Variants in IFRD1 observed in about 807,000 individuals in gnomAD.
IFRD1 encodes interferon-related developmental regulator 1.
Under a neutral mutation model 52.9 loss-of-function variants are expected in IFRD1, and 35 were observed. That is an observed-to-expected ratio of 0.66 (90% CI 0.51 to 0.88). The LOEUF is 0.88. Among genes scored for constraint, IFRD1 ranks in the 40% least tolerant of loss-of-function variants. The probability of loss-of-function intolerance (pLI) is 0.00; values close to 1 mark genes in which losing one functional copy is unlikely to be tolerated. For synonymous variants in IFRD1, 184 were observed against 188.4 expected, an observed-to-expected ratio of 0.98 and a Z score of 0.19; for missense variants, 517 against 550.8, an observed-to-expected ratio of 0.94 and a Z score of 0.61.
intron 11 of IFRD1, among the ~76,000 whole-genome samples, chr7:112,475,124 A>G (rs1447516572): frequency 6.6e-6 from 1 of 151,754 alleles, no homozygotes; most frequent in Non-Finnish European, 1.5e-5. Context: ...ATGCCTGGCT[A>G]ATTTTTTGTA....
intron 1 of IFRD1, among the ~76,000 whole-genome samples, chr7:112,445,114 T>G (rs145045176): frequency 7.0e-6 from 1 of 142,588 alleles, no homozygotes; most frequent in Non-Finnish European, 1.5e-5. Context: ...TCACCCAGGC[T>G]GGAGTGCAGT....
In IFRD1 at chr7:112,462,398, A is replaced by G; in HGVS notation, c.906+20A>G. On this transcript the variant is annotated intron_variant, in intron 8 of 11. Transcript: ENST00000403825. ...GAGAGTGTAAGTATCTAACTGGCAG[A>G]GGAAAAAGCTTGTGTCACAAGGCCC... 6 of 1,526,172 alleles carry G rather than the reference A, an allele frequency of 3.9e-6. No homozygotes were observed. The highest frequency in any genetic ancestry group is 5.5e-6 in the Non-Finnish European group (6 of 1,100,426). The allele number at this position is 1,526,172 out of a possible 1,614,324, so 94.5% of individuals were successfully genotyped here. A position where few individuals can be genotyped will look rare whatever the true frequency, so the allele number is the denominator to read the frequency against.
intron 1 of IFRD1, among the ~76,000 whole-genome samples, chr7:112,439,729 C>T (rs1252740696): frequency 2.0e-5 from 3 of 152,166 alleles, no homozygotes; most frequent in African/African-American, 7.2e-5. Context: ...TCAACTCTTA[C>T]ACCTCACTGG....
chr7:112,475,165 A>G (rs557736421), intron 11 of IFRD1, among the ~76,000 whole-genome samples: 1 of 152,070 alleles, frequency 6.6e-6, no homozygotes, highest in South Asian at 2.1e-4. Context: ...TCACCGTGTT[A>G]GCCAGGATGG....
chr7:112,470,699 T>G (rs917425301), intron 9 of IFRD1, among the ~76,000 whole-genome samples: 4 of 152,216 alleles, frequency 2.6e-5, no homozygotes, highest in Non-Finnish European at 4.4e-5. Context: ...AGTATTCAAG[T>G]CCCTGATATA....
At position 112,437,040 on chromosome 7, in the gene IFRD1, A is replaced by G. The variant is rs532215944; in HGVS notation, c.-181-13468A>G. Among the ~76,000 whole-genome samples, 33 of 152,106 alleles carry G rather than the reference A, an allele frequency of 2.2e-4. No individual in the cohort carries two copies. In the South Asian group the frequency reaches 5.8e-3, roughly 27 times the overall value. On this transcript the variant is annotated intron_variant, in intron 1 of 12. Coordinates refer to the IFRD1 transcript ENST00000005558. Reference sequence around the variant, plus strand: ...TGAGACAGGGTCTCTCTCAACCTCTAGGGCCCACCAAACAATCCTCTCACC... The same window carrying G: ...TGAGACAGGGTCTCTCTCAACCTCTGGGGCCCACCAAACAATCCTCTCACC...
rs531774198 is a variant in IFRD1, at chr7:112,445,267, C to T, written c.-181-5241C>T. ...ATTTTTAGTAGAGACGGGGTTTCAC[C>T]GTGTTAGCCAGGATGGTCTCGATCT... On this transcript the variant is annotated intron_variant, in intron 1 of 12. Coordinates refer to the IFRD1 transcript ENST00000005558. 1.3e-4 allele frequency among the ~76,000 whole-genome samples: 19 copies of T among 151,988 alleles called. No homozygotes were observed. The East Asian group carries it at 1.4e-3, about 11-fold the overall frequency.
chr7:112,435,621 G>GGTGGGTGTGTGTGT (rs1554503435), intron 1 of IFRD1: 3 of 108,840 alleles, frequency 2.8e-5, no homozygotes, highest in Non-Finnish European at 3.8e-5. Flanking sequence ...ATCTGCTACA[G>GGTGGGTGTGTGTGT]GTGTGTGTGT....
intron 10 of IFRD1, 72 bp downstream of exon 10, chr7:112,472,419 C>T: frequency 6.5e-7 from 1 of 1,538,688 alleles, no homozygotes; most frequent in Admixed American, 1.7e-5. Flanking sequence ...ACTTAATTGG[C>T]TTTTGAAATT....
At chr7:112,448,103 T>G (rs1795068894), upstream of IFRD1, among the ~76,000 whole-genome samples, 1 of 140,438 alleles carries the variant, frequency 7.1e-6, no homozygotes, top group Non-Finnish European at 1.5e-5. Context: ...CAAGATTTTT[T>G]CAAGTTCCTG....
At chr7:112,455,494 AAAAAC>A (rs149687317) in intron 1 of IFRD1, among the ~76,000 whole-genome samples, 28,161 of 151,862 alleles carry the variant, frequency 0.19, 3,499 homozygotes, top group East Asian at 0.65. Context: ...AAAAAACAAA[AAAAAC>A]AAAACAAAAC....
intron 1 of IFRD1, among the ~76,000 whole-genome samples, chr7:112,426,932 C>T (rs774883199): frequency 6.6e-6 from 1 of 152,226 alleles, no homozygotes; most frequent in Non-Finnish European, 1.5e-5. Flanking sequence ...TCAGGCCTTT[C>T]TGGACCTAAC....
At chr7:112,447,522 C>T (rs1205623050), upstream of IFRD1, among the ~76,000 whole-genome samples, 1 of 152,180 alleles carries the variant, frequency 6.6e-6, no homozygotes, top group African/African-American at 2.4e-5. Flanking sequence ...TCTAAACTTC[C>T]TTGCAGCTAG....
At chr7:112,471,808 C>G (rs3128386) in intron 9 of IFRD1, among the ~76,000 whole-genome samples, 40,973 of 151,782 alleles carry the variant, frequency 0.27, 5,835 homozygotes, top group Middle Eastern at 0.45. Context: ...TCACTTCCTT[C>G]CCTGGATCCC....
In IFRD1 at chr7:112,450,569, T is replaced by A. The variant is rs1795127997; in HGVS notation, c.-120T>A. ...TCTTACCCCCGCCGCTTCTCGACTCTGTTGTTAGCCGAAGACTCGCCTCTC... is the reference window on the plus strand; with the variant it reads ...TCTTACCCCCGCCGCTTCTCGACTCAGTTGTTAGCCGAAGACTCGCCTCTC... On this transcript the variant is annotated 5_prime_UTR_variant, in exon 1 of 12. Transcript: ENST00000403825. 1 of 762,228 alleles carries A rather than the reference T, an allele frequency of 1.3e-6. No homozygotes were observed. The highest frequency in any genetic ancestry group is 2.3e-6 in the Non-Finnish European group (1 of 427,510). The allele number at this position is 762,228 out of a possible 1,614,324, so 47.2% of individuals were successfully genotyped here. A position where few individuals can be genotyped will look rare whatever the true frequency, so the allele number is the denominator to read the frequency against.
intron 1 of IFRD1, among the ~76,000 whole-genome samples, chr7:112,441,250 G>A (rs999557642): frequency 2.0e-5 from 3 of 151,864 alleles, no homozygotes; most frequent in Non-Finnish European, 4.4e-5. Flanking sequence ...ACTCCAGCCT[G>A]GGCAATAGAG....
chr7:112,456,055 A>T lies in IFRD1; in HGVS notation c.253A>T (p.Lys85Ter). 6.2e-7 allele frequency: 1 copy of T among 1,608,190 alleles called. No individual in the cohort carries two copies. Among genetic ancestry groups the T allele is most frequent in the Non-Finnish European group, 8.5e-7 (1 of 1,174,720 alleles). The part of the protein sequence containing the change: ...GTQEDLEYKL[K>*]GLIDLTLDKS... ...TCAAGAAGACCTAGAGTACAAGTTG[A>T]AGGGATTAATTGACCTAACCCTGGA... The change falls in exon 3 of 12, where the codon AAG (lysine) becomes TAG (stop). Residue 85 changes from lysine (K) to a stop codon, truncating the protein, a stop_gained. Coordinates refer to ENST00000403825, the MANE Select transcript of IFRD1 (RefSeq NM_001550.4). LOFTEE classifies it high-confidence loss of function.
chr7:112,461,974 A>G (rs1584494042), intron 6 of IFRD1, 27 bp from the exon 7 acceptor site: 1 of 1,601,684 alleles, frequency 6.2e-7, no homozygotes. Context: ...TAAGATGGTT[A>G]TCTTACTTCA....
At chr7:112,445,394 C>T (rs35134215) in intron 1 of IFRD1, among the ~76,000 whole-genome samples, 54,864 of 151,900 alleles carry the variant, frequency 0.36, 10,264 homozygotes, top group Non-Finnish European at 0.38. Flanking sequence ...AACAGACGCA[C>T]TGTTTACCAA....
Sources: gnomAD v4.1 joint callset for allele counts (sites outside exome capture counted in the v4.1 genomes callset) on GRCh38, gnomAD v4.1.1 for gene constraint, MANE v1.5 for transcripts, NCBI Gene and HGNC (gene_info 2026-07-23, HGNC 2026-07-21) for gene names.